The following SLC20A2 variants were observed in gnomAD, a reference collection of about 807,000 sequenced individuals.
SLC20A2 encodes the protein solute carrier family 20 member 2.
A neutral mutation model predicts 61.0 loss-of-function variants in SLC20A2; 30 were observed. The ratio of observed to expected loss-of-function variants is 0.49; its 90% confidence interval spans 0.37 to 0.67. The LOEUF is 0.67. Ranked by LOEUF, SLC20A2 falls within the 30% of genes least tolerant of loss-of-function variation. SLC20A2 has a pLI of 0.00. For synonymous variants in SLC20A2, 351 were observed against 353.3 expected, an observed-to-expected ratio of 0.99 and a Z score of 0.07; for missense variants, 626 against 866.4, an observed-to-expected ratio of 0.72 and a Z score of 3.48.
intron 1 of SLC20A2, among the ~76,000 whole-genome samples, chr8:42,511,578 G>A (rs562004585): frequency 1.2e-3 from 181 of 151,454 alleles, no homozygotes; most frequent in Non-Finnish European, 1.6e-3. Context: ...AGTGAGCCAA[G>A]ATCGCGCCAC....
At chr8:42,515,422 T>C (rs1443029588) in intron 1 of SLC20A2, among the ~76,000 whole-genome samples, 3 of 151,820 alleles carry the variant, frequency 2.0e-5, no homozygotes, top group African/African-American at 4.8e-5. Context: ...TCAGAAAAAA[T>C]AGGAAAGAGA....
intron 1 of SLC20A2, among the ~76,000 whole-genome samples, chr8:42,500,627 T>C (rs1810256126): frequency 6.6e-6 from 1 of 152,234 alleles, no homozygotes; most frequent in Non-Finnish European, 1.5e-5. Context: ...AAAATAAACT[T>C]GTAGCACAGA....
At chr8:42,492,141 G>A (rs1809566572) in intron 1 of SLC20A2, among the ~76,000 whole-genome samples, 1 of 152,184 alleles carries the variant, frequency 6.6e-6, no homozygotes, top group Non-Finnish European at 1.5e-5. Context: ...TGGATCACGA[G>A]GTCAGGAGTT....
chr8:42,515,620 T>C (rs930933400), intron 1 of SLC20A2, among the ~76,000 whole-genome samples: 36 of 152,044 alleles, frequency 2.4e-4, no homozygotes, highest in Non-Finnish European at 4.4e-5. Context: ...CAGATTTGAA[T>C]CCACGAGGCT....
intron 1 of SLC20A2, among the ~76,000 whole-genome samples, chr8:42,526,951 A>G (rs1812001524): frequency 6.6e-6 from 1 of 151,932 alleles, no homozygotes; most frequent in South Asian, 2.1e-4. Context: ...AAAAAAATAG[A>G]AAAATTTGCC....
At chr8:42,452,626 G>A (rs948359740) in intron 5 of SLC20A2, among the ~76,000 whole-genome samples, 8 of 149,562 alleles carry the variant, frequency 5.3e-5, no homozygotes, top group Non-Finnish European at 1.0e-4. Context: ...GAGATGAAGA[G>A]GGGGAGGACG....
chr8:42,517,726 C>A (rs1309289978), intron 1 of SLC20A2, among the ~76,000 whole-genome samples: 1 of 152,096 alleles, frequency 6.6e-6, no homozygotes, highest in Non-Finnish European at 1.5e-5. Flanking sequence ...AGTTGATTAT[C>A]CTATTAATGC....
intron 1 of SLC20A2, among the ~76,000 whole-genome samples, chr8:42,474,906 A>C (rs1000884603): frequency 7.8e-6 from 1 of 127,640 alleles, no homozygotes; most frequent in African/African-American, 3.0e-5. Context: ...TCAGACGGCC[A>C]GAGTCACGCT....
intron 1 of SLC20A2, among the ~76,000 whole-genome samples, chr8:42,507,549 A>C (rs1810783780): frequency 6.6e-6 from 1 of 152,244 alleles, no homozygotes. Flanking sequence ...TTTTTAAATT[A>C]TATTGGAATT....
chr8:42,501,692 T>C (rs149923116), upstream of SLC20A2, among the ~76,000 whole-genome samples: 2,770 of 152,380 alleles, frequency 0.018, 37 homozygotes, highest in Middle Eastern at 0.037. Flanking sequence ...ACTTGCTTTC[T>C]GGCTCTGCCT....
intron 1 of SLC20A2, among the ~76,000 whole-genome samples, chr8:42,510,988 T>C (rs894591455): frequency 1.3e-5 from 2 of 152,196 alleles, no homozygotes; most frequent in Non-Finnish European, 2.9e-5. Context: ...CCATGGTAGA[T>C]AGAAAATCTG....
intron 6 of SLC20A2, among the ~76,000 whole-genome samples, chr8:42,442,838 T>C (rs1051112674): frequency 1.3e-5 from 2 of 152,190 alleles, no homozygotes; most frequent in Non-Finnish European, 2.9e-5. Context: ...CTCATGTATT[T>C]TGGTCTTTTT....
intron 4 of SLC20A2, chr8:42,460,314 C>T (rs1387335478): frequency 4.3e-6 from 1 of 233,196 alleles, no homozygotes; most frequent in African/African-American, 2.2e-5. Context: ...TTCCGGAGGA[C>T]CAAAGCCCAG....
intron 1 of SLC20A2, among the ~76,000 whole-genome samples, chr8:42,527,534 T>C (rs1420379710): frequency 1.3e-5 from 2 of 151,960 alleles, no homozygotes; most frequent in African/African-American, 2.4e-5. Context: ...CCCTAGCACT[T>C]TGGGGGGCTG....
intron 1 of SLC20A2, among the ~76,000 whole-genome samples, chr8:42,515,303 G>T (rs537327179): frequency 6.6e-6 from 1 of 152,264 alleles, no homozygotes; most frequent in Admixed American, 6.5e-5. Context: ...GGAGAGTATG[G>T]CAGGAGTAGG....
intron 10 of SLC20A2, among the ~76,000 whole-genome samples, chr8:42,427,152 TC>T (rs1292059969): frequency 6.6e-6 from 1 of 152,238 alleles, no homozygotes; most frequent in East Asian, 1.9e-4. Flanking sequence ...GGCCATGCCG[TC>T]CATGTGGGAG....
At chr8:42,442,090 C>A (rs962180835) in intron 6 of SLC20A2, among the ~76,000 whole-genome samples, 2 of 152,126 alleles carry the variant, frequency 1.3e-5, no homozygotes, top group Non-Finnish European at 2.9e-5. Context: ...TGAGCCACCA[C>A]ACTTGGCTAA....
chr8:42,541,599 TC>T (rs1262322643), intron 1 of SLC20A2: 1 of 147,992 alleles, frequency 6.8e-6, no homozygotes, highest in Admixed American at 6.7e-5. Context: ...GCAGAGGGCG[TC>T]CAGGTCCGCT....
chr8:42,468,008 T>C (rs546769929), intron 2 of SLC20A2, among the ~76,000 whole-genome samples: 1 of 151,974 alleles, frequency 6.6e-6, no homozygotes, highest in East Asian at 1.9e-4. Context: ...GTTCACGCCA[T>C]TCTCCTGCCT....
Sources: gnomAD v4.1 joint callset for allele counts (sites outside exome capture counted in the v4.1 genomes callset) on GRCh38, gnomAD v4.1.1 for gene constraint, MANE v1.5 for transcripts, NCBI Gene and HGNC (gene_info 2026-07-23, HGNC 2026-07-21) for gene names.